RBMS3: variants seen among roughly 807,000 people sequenced by gnomAD.
RBMS3 encodes the protein RNA binding motif single stranded interacting protein 3.
RBMS3 carries 27 observed loss-of-function variants against 66.8 expected under a neutral mutation model. The observed-to-expected ratio is 0.40, with a 90% CI of 0.30 to 0.56. The LOEUF is 0.56. Ranked by LOEUF, RBMS3 falls within the 20% of genes least tolerant of loss-of-function variation. The pLI is 0.40. For missense variants in RBMS3, 513 were observed against 549.5 expected (o/e 0.93, Z 0.66); for synonymous variants, 188 against 183.0 (o/e 1.03, Z -0.22).
chr3:29,310,070 A>T (rs548311281), intron 1 of RBMS3, among the ~76,000 whole-genome samples: 1 of 151,810 alleles, frequency 6.6e-6, no homozygotes, highest in Non-Finnish European at 1.5e-5. Context: ...GAGTAAAAAA[A>T]TGCCATTAAA....
chr3:29,873,809 T>C (rs192596457), intron 7 of RBMS3, among the ~76,000 whole-genome samples: 118 of 152,324 alleles, frequency 7.7e-4, no homozygotes, highest in Non-Finnish European at 1.5e-3. Context: ...AATGTTGAAA[T>C]TTATTGAAAT....
At chr3:29,471,977 A>T (rs899243460) in intron 2 of RBMS3, among the ~76,000 whole-genome samples, 1 of 152,064 alleles carries the variant, frequency 6.6e-6, no homozygotes, top group South Asian at 2.1e-4. Context: ...CTCCATGTCT[A>T]TGTATCTCAT....
At chr3:29,948,778 A>C (rs1695489916) in intron 12 of RBMS3, among the ~76,000 whole-genome samples, 1 of 151,774 alleles carries the variant, frequency 6.6e-6, no homozygotes, top group South Asian at 2.1e-4. Flanking sequence ...CTTTGTAATA[A>C]GTTCTTAGAG....
At chr3:29,530,732 C>A (rs983228662) in intron 3 of RBMS3, among the ~76,000 whole-genome samples, 4 of 149,770 alleles carry the variant, frequency 2.7e-5, no homozygotes, top group Admixed American at 2.0e-4. Flanking sequence ...ATTAGATGGG[C>A]GTGGTGGCGG....
intron 3 of RBMS3, among the ~76,000 whole-genome samples, chr3:29,543,887 A>G (rs2045855573): frequency 6.6e-6 from 1 of 152,136 alleles, no homozygotes; most frequent in Non-Finnish European, 1.5e-5. Flanking sequence ...TCTTTAAAAT[A>G]GAAAATATAA....
chr3:29,945,983 T>C (rs1695276785), intron 12 of RBMS3, among the ~76,000 whole-genome samples: 1 of 151,768 alleles, frequency 6.6e-6, no homozygotes, highest in East Asian at 1.9e-4. Context: ...ATTGTATTTA[T>C]AATAAAAAGT....
intron 1 of RBMS3, among the ~76,000 whole-genome samples, chr3:29,334,180 G>A (rs2035819282): frequency 6.6e-6 from 1 of 152,146 alleles, no homozygotes; most frequent in Admixed American, 6.6e-5. Flanking sequence ...TAACAGTAAA[G>A]TCATAGTTGT....
At chr3:29,379,228 A>G (rs1049891526) in intron 1 of RBMS3, among the ~76,000 whole-genome samples, 3 of 152,138 alleles carry the variant, frequency 2.0e-5, no homozygotes, top group Admixed American at 6.5e-5. Context: ...AAAAGCAGTG[A>G]CTCAATGTAT....
intron 1 of RBMS3, among the ~76,000 whole-genome samples, chr3:29,332,543 A>G (rs562828722): frequency 3.3e-5 from 5 of 152,292 alleles, no homozygotes; most frequent in African/African-American, 1.2e-4. Context: ...TTGCCTGGGC[A>G]TGATTGTTCC....
chr3:29,346,396 CTTTTTTTTTTTT>C (rs34803214), intron 1 of RBMS3, among the ~76,000 whole-genome samples: 19 of 60,000 alleles, frequency 3.2e-4, no homozygotes, highest in African/African-American at 1.3e-3. Context: ...GCAATTCATT[CTTTTTTTTTTTT>C]TTTTTTTTTT....
At chr3:29,443,989 T>A (rs1160627069) in intron 2 of RBMS3, among the ~76,000 whole-genome samples, 3 of 152,096 alleles carry the variant, frequency 2.0e-5, no homozygotes, top group African/African-American at 7.2e-5. Context: ...AAGTGCAACT[T>A]TGGGTGGACA....
chr3:29,991,155 T>C lies in RBMS3; in HGVS notation c.1253T>C (p.Ile418Thr). The change falls in exon 14 of 15, where the codon ATA (isoleucine) becomes ACA (threonine). Residue 418 changes from isoleucine (I) to threonine (T), a missense_variant. By Grantham distance (89) the Ile-to-Thr change is moderately conservative. Transcript: ENST00000383767. ...SQDTSGQQQQ[I>T]AVDTSNEHAP... Reference sequence around the variant, plus strand: ...GACACCAGTGGTCAGCAGCAACAGATAGCAGTGGACACATCCAACGAACAT... The same window carrying C: ...GACACCAGTGGTCAGCAGCAACAGACAGCAGTGGACACATCCAACGAACAT... 1.2e-6 allele frequency: 2 copies of C among 1,614,182 alleles called. No individual in the cohort carries two copies. Among genetic ancestry groups the C allele is most frequent in the Non-Finnish European group, 1.7e-6 (2 of 1,180,036 alleles).
chr3:29,462,602 G>A (rs2042408029), intron 2 of RBMS3, among the ~76,000 whole-genome samples: 2 of 152,134 alleles, frequency 1.3e-5, no homozygotes, highest in Admixed American at 1.3e-4. Flanking sequence ...GTTTCCCAGT[G>A]TTACTCAGAC....
intron 1 of RBMS3, among the ~76,000 whole-genome samples, chr3:29,394,274 G>A (rs917327246): frequency 6.6e-6 from 1 of 152,168 alleles, no homozygotes; most frequent in Non-Finnish European, 1.5e-5. Flanking sequence ...ATATGACTCT[G>A]TTCTGCCCCA....
chr3:29,351,297 C>A (rs958851872), intron 1 of RBMS3, among the ~76,000 whole-genome samples: 1 of 152,070 alleles, frequency 6.6e-6, no homozygotes, highest in Non-Finnish European at 1.5e-5. Context: ...TGTATTACAT[C>A]AAAGAAATCC....
chr3:29,477,745 A>C (rs75406723), intron 2 of RBMS3, among the ~76,000 whole-genome samples: 213 of 151,986 alleles, frequency 1.4e-3, no homozygotes, highest in Middle Eastern at 3.4e-3. Context: ...GGTTAGTGAT[A>C]TAGATAATGT....
intron 4 of RBMS3, among the ~76,000 whole-genome samples, chr3:29,696,360 G>A (rs2052275633): frequency 6.6e-6 from 1 of 152,156 alleles, no homozygotes; most frequent in Non-Finnish European, 1.5e-5. Flanking sequence ...AACACAGTAA[G>A]TGCTGAATAA....
At chr3:29,826,485 C>G (rs1161611483) in intron 6 of RBMS3, among the ~76,000 whole-genome samples, 1 of 152,098 alleles carries the variant, frequency 6.6e-6, no homozygotes, top group Non-Finnish European at 1.5e-5. Context: ...TACCTTTTGA[C>G]TGTATATTCT....
chr3:29,906,280 C>G (rs1032407787), intron 10 of RBMS3, among the ~76,000 whole-genome samples: 1 of 152,006 alleles, frequency 6.6e-6, no homozygotes, highest in Non-Finnish European at 1.5e-5. Flanking sequence ...ATATAGCTCA[C>G]AATTCTGGAG....
Sources: allele counts gnomAD v4.1 joint callset (sites outside exome capture counted in the v4.1 genomes callset), GRCh38; gene constraint gnomAD v4.1.1; transcripts MANE v1.5; gene names NCBI Gene and HGNC (gene_info 2026-07-23, HGNC 2026-07-21).